Variants in LYSMD4 observed in about 807,000 individuals in gnomAD.
LYSMD4 encodes lysM and putative peptidoglycan-binding domain-containing protein 4.
Under a neutral mutation model 6.1 loss-of-function variants are expected in LYSMD4, and 9 were observed. The ratio of observed to expected loss-of-function variants is 1.47; its 90% confidence interval spans 0.88 to 2.56. LYSMD4 has a LOEUF of 2.56. Ranked by LOEUF, LYSMD4 falls within the 30% of genes most tolerant of loss-of-function variation. The pLI, the probability that LYSMD4 is intolerant of heterozygous loss-of-function variation, is 0.00. For synonymous variants in LYSMD4, 143 were observed against 148.5 expected (o/e 0.96, Z 0.27); for missense variants, 384 against 373.5 (o/e 1.03, Z -0.23).
In LYSMD4 at chr15:99,728,220, CCT is replaced by C. The variant is rs1209397741; in HGVS notation, c.*901_*902del. 1.3e-5 allele frequency: 2 copies of C among 152,408 alleles called. No homozygotes were observed. Among genetic ancestry groups the C allele is most frequent in the African/African-American group, 4.8e-5 (2 of 41,450 alleles). The allele number at this position is 152,408 out of a possible 1,614,324, so 9.4% of individuals were successfully genotyped here. On this transcript the variant is annotated 3_prime_UTR_variant, in exon 3 of 3. Coordinates refer to ENST00000684762, the MANE Select transcript of LYSMD4 (RefSeq NM_001284417.2). Reference sequence around the variant, plus strand: ...GCCAGGGAAGCAGCAGGGGGAGCGCCCTGTGTTAGGTGTGCACAGGGGCTGCG... The same window carrying C: ...GCCAGGGAAGCAGCAGGGGGAGCGCCGTGTTAGGTGTGCACAGGGGCTGCG...
At chr15:99,733,116 C>T (rs949318285) in intron 1 of LYSMD4, 28 of 366,076 alleles carry the variant, frequency 7.6e-5, no homozygotes, top group Non-Finnish European at 1.3e-4. Context: ...ACGGGCGGGG[C>T]CCTAACATTC....
chr15:99,730,125 C>G (rs1185406000), intron 2 of LYSMD4, among the ~76,000 whole-genome samples: 5 of 152,350 alleles, frequency 3.3e-5, no homozygotes, highest in Admixed American at 1.3e-4. Flanking sequence ...GTGCCCCCAT[C>G]TGCCTGCCTT....
In LYSMD4 at chr15:99,731,369, G is replaced by A. The variant is rs2059405799; in HGVS notation, c.282+349C>T. The A allele has an allele frequency of 1.2e-6, 2 of 1,612,944 alleles. No homozygotes were observed. The highest frequency in any genetic ancestry group is 1.7e-4 in the Middle Eastern group (1 of 6,058). On this transcript the variant is annotated intron_variant, in intron 2 of 2. Transcript: ENST00000684762. The stretch of plus-strand genomic sequence containing the variant: ...AAAAGCAAGCATACCATAGAAATCC[G>A]GAATTAAATTCTGCCTGGTATCTCC...
chr15:99,732,960 G>A (rs986329400), intron 1 of LYSMD4: 2 of 176,330 alleles, frequency 1.1e-5, no homozygotes, highest in Non-Finnish European at 2.4e-5. Flanking sequence ...CCGGGGACGG[G>A]GCCAGCCTTC....
intron 2 of LYSMD4, chr15:99,731,102 A>G: frequency 1.4e-6 from 2 of 1,417,862 alleles, no homozygotes; most frequent in Non-Finnish European, 2.0e-6. Context: ...TCTGTAGCAC[A>G]GTGTTAGCAA....
chr15:99,731,862 C>A lies in LYSMD4; in HGVS notation c.138G>T (p.Val46=). 6.2e-7 allele frequency: 1 copy of A among 1,613,596 alleles called. No individual in the cohort carries two copies. The highest frequency in any genetic ancestry group is 8.5e-7 in the Non-Finnish European group (1 of 1,180,036). Residue 46 remains valine, a synonymous_variant, in exon 2 of 3, where the codon GTG becomes GTT. Coordinates refer to ENST00000684762, the MANE Select transcript of LYSMD4 (RefSeq NM_001284417.2). ...GCTCCTTGCCCCGGGGCCGCAAAAC[C>A]ACACGGTGAGACTCTTCTTCAGAAG... The part of the protein sequence containing the change: ...GDSSEEESHR[V]VLRPRGKERH...
rs1055763929 is a variant in LYSMD4 at position 99,733,426 on chromosome 15, C to G, written c.-90G>C. 6 of 395,354 alleles carry G rather than the reference C, an allele frequency of 1.5e-5. No individual in the cohort carries two copies. Among genetic ancestry groups the G allele is most frequent in the Admixed American group, 4.4e-5 (1 of 22,610 alleles). The allele number at this position is 395,354 out of a possible 1,614,324, so 24.5% of individuals were successfully genotyped here. ...CGACCCGCAGCTGCCACCGCGCCTG[C>G]GGATTGGCTACGAACATCAGCAGGG... On this transcript the variant is annotated 5_prime_UTR_variant, in exon 1 of 3. Transcript: ENST00000684762.
intron 2 of LYSMD4, among the ~76,000 whole-genome samples, chr15:99,730,603 C>T (rs750430951): frequency 5.9e-5 from 9 of 152,250 alleles, no homozygotes; most frequent in Non-Finnish European, 1.0e-4. Context: ...TCAGCAACTG[C>T]TGTTATTGTA....
At chr15:99,716,351 G>C in exon 1 of LYSMD4, 1 of 352,816 alleles carries the variant, frequency 2.8e-6, no homozygotes, top group South Asian at 2.2e-5. Flanking sequence ...ATTTTTCCCT[G>C]AATGTGTTGT....
At chr15:99,725,333 TATAGATC>T (rs921497921), downstream of LYSMD4, among the ~76,000 whole-genome samples, 6 of 152,198 alleles carry the variant, frequency 3.9e-5, no homozygotes, top group African/African-American at 1.4e-4. Context: ...CCATAACAGC[TATAGATC>T]ATGTGTCTGC....
At position 99,729,082 on chromosome 15, in the gene LYSMD4, A is replaced by G; in HGVS notation, c.*41T>C. The stretch of plus-strand genomic sequence containing the variant: ...CCAGTGACAGCTGAGGCACATCAAC[A>G]GCCAATTGCTAAAGCTGGGCCTAGT... On this transcript the variant is annotated 3_prime_UTR_variant, in exon 3 of 3. Transcript: ENST00000684762. 1 of 1,602,978 alleles carries G rather than the reference A, an allele frequency of 6.2e-7. No individual in the cohort carries two copies. Among genetic ancestry groups the G allele is most frequent in the Non-Finnish European group, 8.5e-7 (1 of 1,171,786 alleles).
chr15:99,724,394 G>A (rs983254442), downstream of LYSMD4, among the ~76,000 whole-genome samples: 8 of 152,162 alleles, frequency 5.3e-5, no homozygotes, highest in East Asian at 1.9e-4. Context: ...CCAAGTAGCC[G>A]GGACTACAGG....
downstream of LYSMD4, among the ~76,000 whole-genome samples, chr15:99,723,067 G>A (rs1254870853): frequency 1.3e-5 from 2 of 151,664 alleles, no homozygotes; most frequent in African/African-American, 2.4e-5. Flanking sequence ...CGCACTGAAT[G>A]GAATTACTAT....
downstream of LYSMD4, among the ~76,000 whole-genome samples, chr15:99,723,185 AAAT>A (rs766863912): frequency 8.5e-5 from 13 of 152,154 alleles, no homozygotes; most frequent in Non-Finnish European, 1.3e-4. Flanking sequence ...AATTGGAGGG[AAAT>A]AATGAGGAAA....
In LYSMD4 at chr15:99,729,430, G is replaced by A; in HGVS notation, c.584C>T (p.Thr195Ile). 1 of 1,614,096 alleles carries A rather than the reference G, an allele frequency of 6.2e-7. No individual in the cohort carries two copies. The highest frequency in any genetic ancestry group is 1.7e-5 in the Admixed American group (1 of 60,024). ...TGCCGGGAGCAGTGGCTGATGGGAG[G>A]TGTCCATGCAGTAACTTTCATGTAG... ...IFLHESYCMD[T>I]SHQPLLPAPP... Residue 195 changes from threonine (T) to isoleucine (I), a missense_variant, in exon 3 of 3, where the codon ACC (threonine) becomes ATC (isoleucine). Physicochemically the swap from Thr to Ile is moderately conservative, Grantham distance 89. Transcript: ENST00000684762.
chr15:99,715,929 G>A (rs1488703627), exon 1 of LYSMD4: 1 of 152,664 alleles, frequency 6.6e-6, no homozygotes, highest in African/African-American at 2.4e-5. Context: ...TGTTCTACAA[G>A]AACAATACAT....
intron 2 of LYSMD4, chr15:99,731,277 G>A (rs1185995865): frequency 1.3e-6 from 2 of 1,599,868 alleles, no homozygotes; most frequent in African/African-American, 1.4e-5. Context: ...AACGAGAGAA[G>A]GTAAAACTTT....
chr15:99,732,265 T>C (rs1238236972), intron 1 of LYSMD4, among the ~76,000 whole-genome samples: 1 of 152,148 alleles, frequency 6.6e-6, no homozygotes, highest in African/African-American at 2.4e-5. Context: ...TCCTCATCCA[T>C]AGCTGTCTCC....
chr15:99,716,360 GT>G (rs776011027), exon 1 of LYSMD4: 54 of 357,154 alleles, frequency 1.5e-4, no homozygotes, highest in Non-Finnish European at 2.5e-4. Context: ...TGAATGTGTT[GT>G]TTTTCTTCAT....
Sources: allele counts gnomAD v4.1 joint callset (sites outside exome capture counted in the v4.1 genomes callset), GRCh38; gene constraint gnomAD v4.1.1; transcripts MANE v1.5; gene names NCBI Gene and HGNC (gene_info 2026-07-23, HGNC 2026-07-21).